SGCG: variants seen among roughly 807,000 people sequenced by gnomAD.
The protein encoded by SGCG is gamma-sarcoglycan.
SGCG carries 26 observed loss-of-function variants against 29.3 expected under a neutral mutation model. That is an observed-to-expected ratio of 0.89 (90% CI 0.65 to 1.23). The LOEUF (loss-of-function observed/expected upper bound fraction) is 1.23, where lower values mean the gene tolerates loss of function less well. SGCG is among the 50% of genes most tolerant of loss of function. The pLI, the probability that SGCG is intolerant of heterozygous loss-of-function variation, is 0.00. For missense variants in SGCG, 353 were observed against 356.0 expected (o/e 0.99, Z 0.07); for synonymous variants, 145 against 129.7 (o/e 1.12, Z -0.80).
chr13:23,269,253 A>G (rs1233751603), intron 4 of SGCG: 3 of 152,260 alleles, frequency 2.0e-5, no homozygotes, highest in Middle Eastern at 3.2e-3. Context: ...GCTTATGTTT[A>G]AAAGTACAGA....
chr13:23,279,750 CAG>C (rs1434912477), intron 5 of SGCG, among the ~76,000 whole-genome samples: 2 of 151,594 alleles, frequency 1.3e-5, no homozygotes, highest in Non-Finnish European at 2.9e-5. Flanking sequence ...TCTTTTTAGA[CAG>C]AGTCTCGCTC....
the SGCG span, among the ~76,000 whole-genome samples, chr13:23,169,024 C>G: frequency 2.0e-5 from 3 of 151,628 alleles, no homozygotes; most frequent in East Asian, 5.8e-4. Flanking sequence ...AAGAACTCAT[C>G]CATAAGGTTT....
chr13:23,208,049 A>G (rs940487476), intron 2 of SGCG, among the ~76,000 whole-genome samples: 1 of 152,164 alleles, frequency 6.6e-6, no homozygotes, highest in Non-Finnish European at 1.5e-5. Flanking sequence ...TAATACGTCT[A>G]TAAAAGAACT....
upstream of SGCG, among the ~76,000 whole-genome samples, chr13:23,180,695 T>C: frequency 6.6e-6 from 1 of 152,282 alleles, no homozygotes; most frequent in East Asian, 1.9e-4. Flanking sequence ...TATAATTACA[T>C]TAAACTATCA....
At chr13:23,213,863 G>A (rs1235698916) in intron 2 of SGCG, among the ~76,000 whole-genome samples, 2 of 152,130 alleles carry the variant, frequency 1.3e-5, no homozygotes, top group African/African-American at 2.4e-5. Flanking sequence ...CCGAGGCTCA[G>A]CCTAGGGGTG....
chr13:23,279,429 T>C lies in SGCG; in HGVS notation c.456T>C (p.Thr152=), dbSNP rs1047364666. 1.9e-6 allele frequency: 3 copies of C among 1,613,322 alleles called. No individual in the cohort carries two copies. Among genetic ancestry groups the C allele is most frequent in the Non-Finnish European group, 2.5e-6 (3 of 1,179,484 alleles). Residue 152 remains threonine, a synonymous_variant, in exon 5 of 8, where the codon ACT becomes ACC. Coordinates refer to ENST00000218867, the MANE Select transcript of SGCG (RefSeq NM_000231.3). ...CCAACGACGGCAAGCCACTATTTAC[T>C]GTAGATGAGAAGGAAGTTGTGGTTG... ...INSNDGKPLF[T]VDEKEVVVGT...
At chr13:23,258,455 G>A (rs770200750) in intron 4 of SGCG, among the ~76,000 whole-genome samples, 30 of 152,216 alleles carry the variant, frequency 2.0e-4, no homozygotes, top group Non-Finnish European at 2.9e-4. Flanking sequence ...GGACTGAGAC[G>A]ATGAGGTTTT....
chr13:23,252,057 TTG>T lies in SGCG; in HGVS notation c.385+1342_385+1343del, dbSNP rs530520441. ...TGTATCTCTCTTTGGCCTGGAAGTT[TTG>T]TTTAATAACTAAGTCCAGTGAAATT... On this transcript the variant is annotated intron_variant, in intron 4 of 7. Transcript: ENST00000218867. Among the ~76,000 whole-genome samples, 190 of 152,336 alleles carry T rather than the reference TTG, an allele frequency of 1.2e-3. 2 individuals are homozygous for T. Among genetic ancestry groups the T allele is most frequent in the African/African-American group, 4.4e-3 (183 of 41,588 alleles).
intron 2 of SGCG, among the ~76,000 whole-genome samples, chr13:23,217,922 C>T (rs1355114025): frequency 2.6e-5 from 4 of 151,974 alleles, no homozygotes; most frequent in African/African-American, 9.7e-5. Context: ...TAACATGATA[C>T]AAAATATTTA....
At chr13:23,315,521 A>AG (rs1030009386) in intron 6 of SGCG, among the ~76,000 whole-genome samples, 1 of 152,150 alleles carries the variant, frequency 6.6e-6, no homozygotes, top group African/African-American at 2.4e-5. Context: ...AGAGAGGAAG[A>AG]GAAGACTAGG....
chr13:23,225,982 CATTT>C (rs1878880113), intron 2 of SGCG, among the ~76,000 whole-genome samples: 1 of 152,104 alleles, frequency 6.6e-6, no homozygotes, highest in Non-Finnish European at 1.5e-5. Flanking sequence ...ATTGTTCATT[CATTT>C]ACTTATTCAG....
intron 2 of SGCG, among the ~76,000 whole-genome samples, chr13:23,224,657 G>GACACACACACACAC (rs1878820912): frequency 1.8e-5 from 1 of 56,296 alleles, no homozygotes; most frequent in African/African-American, 8.2e-5. Context: ...CCCCAAACAG[G>GACACACACACACAC]GCACACATAC....
At chr13:23,253,159 A>G (rs1384101885) in intron 4 of SGCG, among the ~76,000 whole-genome samples, 8 of 152,146 alleles carry the variant, frequency 5.3e-5, no homozygotes, top group Non-Finnish European at 1.5e-5. Context: ...CAGCAGGAAG[A>G]CTGCTTAAGC....
At chr13:23,263,971 T>C (rs1417410532) in intron 4 of SGCG, among the ~76,000 whole-genome samples, 1 of 152,094 alleles carries the variant, frequency 6.6e-6, no homozygotes, top group Non-Finnish European at 1.5e-5. Context: ...GCCAACATTA[T>C]ACTGGAAGGA....
intron 2 of SGCG, among the ~76,000 whole-genome samples, chr13:23,214,900 T>C (rs751992017): frequency 1.6e-4 from 24 of 152,156 alleles, no homozygotes; most frequent in Non-Finnish European, 2.4e-4. Flanking sequence ...AGGACTGAGT[T>C]TGGAGGAGGA....
At chr13:23,233,242 A>G (rs1879177744) in intron 2 of SGCG, among the ~76,000 whole-genome samples, 1 of 152,226 alleles carries the variant, frequency 6.6e-6, no homozygotes, top group African/African-American at 2.4e-5. Context: ...CCTTAAAAAA[A>G]CAGAAATGTC....
intron 1 of SGCG, among the ~76,000 whole-genome samples, chr13:23,200,765 C>A (rs1457516476): frequency 1.3e-5 from 2 of 152,088 alleles, no homozygotes; most frequent in African/African-American, 2.4e-5. Context: ...GATAAGCGAT[C>A]TTTGCACAGA....
intron 4 of SGCG, among the ~76,000 whole-genome samples, chr13:23,269,849 TG>T (rs1185355346): frequency 7.3e-5 from 11 of 149,890 alleles, no homozygotes; most frequent in African/African-American, 2.4e-4. Context: ...TTTTTTTTTT[TG>T]GTTTGCTTTT....
At chr13:23,196,362 C>T (rs1039531203) in intron 1 of SGCG, among the ~76,000 whole-genome samples, 7 of 101,118 alleles carry the variant, frequency 6.9e-5, no homozygotes, top group Middle Eastern at 4.5e-3. Context: ...ATACTTAGTG[C>T]CCAATATCTT....
Sources: allele counts gnomAD v4.1 joint callset (sites outside exome capture counted in the v4.1 genomes callset), GRCh38; gene constraint gnomAD v4.1.1; transcripts MANE v1.5; gene names NCBI Gene and HGNC (gene_info 2026-07-23, HGNC 2026-07-21).